PDE9A: variants seen among roughly 807,000 people sequenced by gnomAD.
PDE9A encodes the protein high affinity cGMP-specific 3',5'-cyclic phosphodiesterase 9A.
PDE9A carries 60 observed loss-of-function variants against 87.4 expected under a neutral mutation model. The observed-to-expected ratio is 0.69, with a 90% CI of 0.56 to 0.85. The LOEUF is 0.85. Ranked by LOEUF, PDE9A falls within the 40% of genes least tolerant of loss-of-function variation. The pLI, the probability that PDE9A is intolerant of heterozygous loss-of-function variation, is 0.00. For missense variants in PDE9A, 665 were observed against 779.0 expected (o/e 0.85, Z 1.74); for synonymous variants, 272 against 279.4 (o/e 0.97, Z 0.27).
At chr21:42,748,693 T>C (rs1187254711) in intron 8 of PDE9A, among the ~76,000 whole-genome samples, 1 of 152,212 alleles carries the variant, frequency 6.6e-6, no homozygotes, top group East Asian at 1.9e-4. Flanking sequence ...ATAGATACCT[T>C]GTTTTGAAAA....
At chr21:42,743,600 C>G (rs1199713060) in intron 7 of PDE9A, among the ~76,000 whole-genome samples, 176 bp from the exon 8 acceptor site, 1 of 152,178 alleles carries the variant, frequency 6.6e-6, no homozygotes, top group Non-Finnish European at 1.5e-5. Context: ...TGTGGCTGAG[C>G]TAAGCGCGGA....
intron 1 of PDE9A, among the ~76,000 whole-genome samples, chr21:42,658,690 C>T (rs543488519): frequency 2.6e-5 from 4 of 152,358 alleles, no homozygotes; most frequent in African/African-American, 7.2e-5. Context: ...CCACTGTCTG[C>T]GCCCTCCTTC....
intron 1 of PDE9A, among the ~76,000 whole-genome samples, chr21:42,662,720 CTT>C (rs1390388382): frequency 1.4e-5 from 2 of 146,064 alleles, no homozygotes; most frequent in African/African-American, 5.1e-5. Context: ...ACATCACACA[CTT>C]GTACACACCA....
chr21:42,771,664 C>T (rs1336478783), intron 18 of PDE9A, among the ~76,000 whole-genome samples: 1 of 152,242 alleles, frequency 6.6e-6, no homozygotes, highest in African/African-American at 2.4e-5. Context: ...ATGTGGCCCA[C>T]AATGCCCTTT....
chr21:42,746,067 G>A lies in PDE9A; in HGVS notation c.653+2207G>A, dbSNP rs570514327. Among the ~76,000 whole-genome samples, 241 of 152,300 alleles carry A rather than the reference G, an allele frequency of 1.6e-3. 1 individual carries two copies. The highest frequency in any genetic ancestry group is 6.8e-3 in the Middle Eastern group (2 of 294). The stretch of plus-strand genomic sequence containing the variant: ...TATCCCTTAAACGACTGCATTTACC[G>A]CCCACCTACAGCAGCAGGAGTGAGT... On this transcript the variant is annotated intron_variant, in intron 8 of 19. Transcript: ENST00000291539.
intron 4 of PDE9A, among the ~76,000 whole-genome samples, chr21:42,729,663 C>T (rs1339677941): frequency 6.6e-6 from 1 of 152,184 alleles, no homozygotes; most frequent in Non-Finnish European, 1.5e-5. Context: ...CTCAGCATTG[C>T]TTTAGTCATG....
At chr21:42,746,869 A>G (rs896224291) in intron 8 of PDE9A, among the ~76,000 whole-genome samples, 1 of 152,214 alleles carries the variant, frequency 6.6e-6, no homozygotes, top group Non-Finnish European at 1.5e-5. Flanking sequence ...CCACAGCGCC[A>G]TAAACCAAAG....
At chr21:42,754,122 C>A in intron 10 of PDE9A, 58 bp downstream of exon 10, 1 of 1,015,754 alleles carries the variant, frequency 9.8e-7, no homozygotes, top group Non-Finnish European at 1.5e-6. Flanking sequence ...GGATCTTGGA[C>A]GCCAGTGGGA....
intron 1 of PDE9A, among the ~76,000 whole-genome samples, chr21:42,662,987 ACACACAC>A (rs2057686710): frequency 6.8e-6 from 1 of 147,430 alleles, no homozygotes; most frequent in South Asian, 2.2e-4. Flanking sequence ...ACACACAAGA[ACACACAC>A]CACACACACG....
At chr21:42,769,485 TGCACACAAGGCACGCAG>T (rs2056752490) in intron 17 of PDE9A, among the ~76,000 whole-genome samples, 2 of 8,410 alleles carry the variant, frequency 2.4e-4, no homozygotes, top group South Asian at 5.9e-3. Context: ...CAGGTACACA[TGCACACAAGGCACGCAG>T]GTACACATGC....
At chr21:42,765,598 T>A in intron 15 of PDE9A, 104 bp downstream of exon 15, 1 of 730,292 alleles carries the variant, frequency 1.4e-6, no homozygotes, top group Admixed American at 2.0e-5. Context: ...ATTATTAGTC[T>A]TCTTGGAACA....
At position 42,762,217 on chromosome 21, in the gene PDE9A, A is replaced by T; in HGVS notation, c.1220A>T (p.Asp407Val). The change falls in exon 14 of 20, where the codon GAT becomes GTT. Residue 407 changes from aspartate to valine, a missense_variant. Transcript: ENST00000291539. ...AACATCTTCTCCAACATCCCACCTGATGGGTTCAAGCAGATCCGACAGGTG... is the reference window on the plus strand; with the variant it reads ...AACATCTTCTCCAACATCCCACCTGTTGGGTTCAAGCAGATCCGACAGGTG... ...ECNIFSNIPP[D>V]GFKQIRQGMI... 6.2e-7 allele frequency: 1 copy of T among 1,613,968 alleles called. No individual in the cohort carries two copies. Among genetic ancestry groups the T allele is most frequent in the Non-Finnish European group, 8.5e-7 (1 of 1,179,954 alleles).
intron 1 of PDE9A, among the ~76,000 whole-genome samples, chr21:42,658,717 TCTC>T (rs749652661): frequency 2.0e-5 from 3 of 152,180 alleles, no homozygotes; most frequent in Non-Finnish European, 4.4e-5. Context: ...GGACGGCGGC[TCTC>T]CTCGCCATCC....
Position 42,659,786 on chromosome 21 carries a change from G to A in PDE9A, c.69+5903G>A, listed in dbSNP as rs2057348548. 6.6e-6 allele frequency among the ~76,000 whole-genome samples: 1 copy of A among 152,218 alleles called. No homozygotes were observed. The highest frequency in any genetic ancestry group is 2.1e-4 in the South Asian group (1 of 4,836). On this transcript the variant is annotated intron_variant, in intron 1 of 19. Coordinates refer to ENST00000291539, the MANE Select transcript of PDE9A (RefSeq NM_002606.3). This position sits in a 1 kb window ranked among gnomAD's most constrained non-coding sequence, Gnocchi z 4.1. ...AGCCCGCACCTTCGTCTTCCAGCCAGCCTCTCCGGAGCTCAGTGTGGGTGG... is the reference window on the plus strand; with the variant it reads ...AGCCCGCACCTTCGTCTTCCAGCCAACCTCTCCGGAGCTCAGTGTGGGTGG...
At chr21:42,726,624 A>ATATATATTTCT in intron 4 of PDE9A, among the ~76,000 whole-genome samples, 1 of 19,774 alleles carries the variant, frequency 5.1e-5, no homozygotes, top group Non-Finnish European at 7.5e-5. Context: ...ATATATATAT[A>ATATATATTTCT]TTTTTTTTTT....
chr21:42,670,043 A>C (rs1340849265), intron 1 of PDE9A, among the ~76,000 whole-genome samples: 1 of 150,580 alleles, frequency 6.6e-6, no homozygotes, highest in African/African-American at 2.5e-5. Flanking sequence ...TTTCACCTTC[A>C]CACACACACA....
intron 4 of PDE9A, among the ~76,000 whole-genome samples, chr21:42,714,551 C>CTCTACCAGTCTTTGTT (rs1569189500): frequency 3.7e-5 from 4 of 108,510 alleles, no homozygotes; most frequent in South Asian, 2.9e-4. Flanking sequence ...CAGTCTTTGT[C>CTCTACCAGTCTTTGTT]GATATGGTTG....
rs1220173112 is a variant in PDE9A, at chr21:42,670,249, A to AC, written c.70-15943_70-15942insC. ...TACACTTACATTCACACTCATACAC[A>AC]TACATACATTCACACACATATTCAC... On this transcript the variant is annotated intron_variant, in intron 1 of 19. Transcript: ENST00000291539. Among the ~76,000 whole-genome samples the AC allele has an allele frequency of 4.0e-5, 6 of 150,574 alleles. No individual in the cohort carries two copies. The South Asian group carries it at 6.4e-4, about 16-fold the overall frequency.
intron 19 of PDE9A, 118 bp downstream of exon 19, chr21:42,772,638 T>A: frequency 4.3e-6 from 1 of 233,338 alleles, no homozygotes; most frequent in Non-Finnish European, 7.9e-6. Flanking sequence ...TGAATGGAAC[T>A]TTTTTTTTTT....
Sources: allele counts gnomAD v4.1 joint callset (sites outside exome capture counted in the v4.1 genomes callset), GRCh38; gene constraint gnomAD v4.1.1; non-coding constraint Gnocchi (gnomAD v3.1); transcripts MANE v1.5; gene names NCBI Gene and HGNC (gene_info 2026-07-23, HGNC 2026-07-21).